ABI1: variants seen among roughly 807,000 people sequenced by gnomAD.
ABI1 encodes the protein abl interactor 1.
Under a neutral mutation model 54.6 loss-of-function variants are expected in ABI1, and 14 were observed. The observed-to-expected ratio is 0.26, with a 90% confidence interval of 0.17 to 0.40. The LOEUF (loss-of-function observed/expected upper bound fraction) is 0.40. Among genes scored for constraint, ABI1 ranks in the 10% least tolerant of loss-of-function variants. The pLI is 1.00. For synonymous variants in ABI1, 194 were observed against 209.3 expected, an observed-to-expected ratio of 0.93 and a Z score of 0.63; for missense variants, 443 against 598.3, an observed-to-expected ratio of 0.74 and a Z score of 2.71.
intron 2 of ABI1, among the ~76,000 whole-genome samples, chr10:26,801,199 G>A (rs568396124): frequency 4.6e-5 from 7 of 152,304 alleles, no homozygotes; most frequent in East Asian, 1.9e-4. Context: ...GTAATCACCC[G>A]ACTTTGATGA....
intron 1 of ABI1, among the ~76,000 whole-genome samples, chr10:26,859,971 G>C (rs937427603): frequency 6.6e-6 from 1 of 151,748 alleles, no homozygotes; most frequent in African/African-American, 2.4e-5. Flanking sequence ...ATGGTGGGGC[G>C]GAAGTGAAAA....
intron 2 of ABI1, among the ~76,000 whole-genome samples, chr10:26,807,324 A>T (rs2046939606): frequency 6.6e-6 from 1 of 151,956 alleles, no homozygotes; most frequent in Non-Finnish European, 1.5e-5. Context: ...AAATACGAAA[A>T]ATTAGCCAGG....
intron 2 of ABI1, among the ~76,000 whole-genome samples, chr10:26,806,148 T>C (rs147202131): frequency 2.0e-5 from 3 of 152,336 alleles, no homozygotes; most frequent in East Asian, 3.9e-4. Flanking sequence ...AACCAGCTCA[T>C]TCAATCTTCA....
At chr10:26,853,234 C>A (rs866300798) in intron 1 of ABI1, among the ~76,000 whole-genome samples, 511 of 85,406 alleles carry the variant, frequency 6.0e-3, no homozygotes, top group South Asian at 8.0e-3. Context: ...GACTCCATCT[C>A]AAAAAAAAAA....
At chr10:26,765,359 G>C in intron 6 of ABI1, 41 bp from the exon 7 acceptor site, 1 of 1,429,634 alleles carries the variant, frequency 7.0e-7, no homozygotes, top group Non-Finnish European at 9.5e-7. Flanking sequence ...CAATTCTAGA[G>C]ACATATTTAA....
chr10:26,856,433 C>CAAAAAAAAAAA (rs58195958), intron 1 of ABI1, among the ~76,000 whole-genome samples: 1 of 57,772 alleles, frequency 1.7e-5, no homozygotes, highest in Non-Finnish European at 3.4e-5. Flanking sequence ...ATCTGTTACT[C>CAAAAAAAAAAA]AAAAAAAAAA....
chr10:26,813,662 A>T (rs192048869), intron 2 of ABI1, among the ~76,000 whole-genome samples: 20 of 152,328 alleles, frequency 1.3e-4, no homozygotes, highest in South Asian at 2.1e-4. Flanking sequence ...TTCAACCCAA[A>T]CAACAAATCA....
chr10:26,850,657 C>CAAAAAA (rs560840432), intron 1 of ABI1, among the ~76,000 whole-genome samples: 7 of 101,500 alleles, frequency 6.9e-5, no homozygotes, highest in East Asian at 2.4e-4. Context: ...GACTCCGTCT[C>CAAAAAA]AAAAAAAAAA....
At chr10:26,788,096 G>A (rs932001693) in intron 2 of ABI1, among the ~76,000 whole-genome samples, 5 of 152,196 alleles carry the variant, frequency 3.3e-5, no homozygotes, top group African/African-American at 4.8e-5. Flanking sequence ...TCACGGGGTC[G>A]GTTTCCCTCA....
intron 2 of ABI1, among the ~76,000 whole-genome samples, chr10:26,780,760 T>G (rs1842004654): frequency 6.6e-6 from 1 of 152,108 alleles, no homozygotes; most frequent in Non-Finnish European, 1.5e-5. Context: ...GACTCAACAT[T>G]TTATGGCTCT....
chr10:26,784,458 T>C (rs1248893129), intron 2 of ABI1, among the ~76,000 whole-genome samples: 1 of 151,280 alleles, frequency 6.6e-6, no homozygotes, highest in Non-Finnish European at 1.5e-5. Context: ...CTTGGAACCC[T>C]AAGGCTTACC....
chr10:26,860,025 G>T lies in ABI1; in HGVS notation c.117+722C>A, dbSNP rs945411160. On this transcript the variant is annotated intron_variant, in intron 1 of 10. Coordinates refer to ENST00000376140, the MANE Select transcript of ABI1 (RefSeq NM_001012750.3). This position sits in a 1 kb window ranked among gnomAD's most constrained non-coding sequence, Gnocchi z 4.1. The stretch of plus-strand genomic sequence containing the variant: ...AATAAAAAAAACCCGACTTGAAAAT[G>T]GACAAGCAGACAGATTTACAAACCT... Among the ~76,000 whole-genome samples, 37 of 152,182 alleles carry T rather than the reference G, an allele frequency of 2.4e-4. No individual in the cohort carries two copies. The highest frequency in any genetic ancestry group is 3.4e-3 in the Middle Eastern group (1 of 294).
In ABI1 at chr10:26,818,158, C is replaced by CAAA. The variant is rs397696005; in HGVS notation, c.285+4977_285+4979dup. On this transcript the variant is annotated intron_variant, in intron 2 of 10. Coordinates refer to ENST00000376140, the MANE Select transcript of ABI1 (RefSeq NM_001012750.3). The stretch of plus-strand genomic sequence containing the variant: ...TGGGAGACAGAGCAAGACTCCATCT[C>CAAA]AAAAAAAAAAAAAAAAAAAAAAAAA... 2.6e-4 allele frequency among the ~76,000 whole-genome samples: 12 copies of CAAA among 45,444 alleles called. 1 individual carries two copies. Among genetic ancestry groups the CAAA allele is most frequent in the East Asian group, 1.1e-3 (2 of 1,822 alleles). The allele number at this position is 45,444 out of a possible 152,430, so 29.8% of individuals were successfully genotyped here.
intron 1 of ABI1, among the ~76,000 whole-genome samples, chr10:26,827,465 T>A (rs1323783684): frequency 2.0e-5 from 3 of 150,038 alleles, no homozygotes; most frequent in African/African-American, 7.4e-5. Context: ...TTGTGATCCA[T>A]CCACCTCCGC....
intron 2 of ABI1, among the ~76,000 whole-genome samples, chr10:26,800,004 TAAAAAAAA>T (rs56949695): frequency 8.0e-6 from 1 of 124,716 alleles, no homozygotes; most frequent in Non-Finnish European, 1.8e-5. Context: ...CACAAAAACG[TAAAAAAAA>T]AAAAAAAAAA....
rs962369446 is a variant in ABI1 at position 26,768,741 on chromosome 10, A to G, written c.719+111T>C. 4 of 773,778 alleles carry G rather than the reference A, an allele frequency of 5.2e-6. No individual in the cohort carries two copies. The African/African-American group carries it at 7.2e-5, about 14-fold the overall frequency. The allele number at this position is 773,778 out of a possible 1,614,324, so 47.9% of individuals were successfully genotyped here. On this transcript the variant is annotated intron_variant, in intron 6 of 10. Transcript: ENST00000376140. Reference sequence around the variant, plus strand: ...ATTATTCCCCCAACTTTTACATTTTATATTAGCATTAGAGTGGCACCTCAC... The same window carrying G: ...ATTATTCCCCCAACTTTTACATTTTGTATTAGCATTAGAGTGGCACCTCAC...
At chr10:26,759,259 G>A (rs1256507071) in intron 7 of ABI1, 21 bp from the exon 8 acceptor site, 1 of 1,609,544 alleles carries the variant, frequency 6.2e-7, no homozygotes, top group Non-Finnish European at 8.5e-7. Flanking sequence ...TTAGTCAAAG[G>A]CAACCAACAA....
rs143322305 is a variant in ABI1, at chr10:26,755,738, G to A, written c.1001C>T (p.Ser334Phe). 1,605 of 1,609,634 alleles carry A rather than the reference G, an allele frequency of 1.0e-3. No homozygotes were observed. The highest frequency in any genetic ancestry group is 1.1e-3 in the Non-Finnish European group (1,306 of 1,176,412). The change falls in exon 9 of 11, where the codon TCT becomes TTT. Residue 334 changes from serine (S) to phenylalanine (F), a missense_variant. Physicochemically the swap from Ser to Phe is radical, Grantham distance 155. Transcript: ENST00000376140. ...GGPLYSQNSI[S>F]IAPPPPPMPQ... ...CATAGGGGGAGGGGGTGGAGCAATA[G>A]AAACTGGTAGCAACAACACAGTATG...
In ABI1 at chr10:26,777,023, G is replaced by A; in HGVS notation, c.462+42C>T. ...ATATTTCCTATCCAAAATATTTACT[G>A]GATATGCAAATTAGCTTGTTAATGT... On this transcript the variant is annotated intron_variant, in intron 3 of 10. Transcript: ENST00000376140. The A allele has an allele frequency of 3.4e-6, 5 of 1,464,108 alleles. No individual in the cohort carries two copies. In the African/African-American group the frequency reaches 5.7e-5, roughly 17 times the overall value. 90.7% of individuals were successfully genotyped at this position (1,464,108 alleles called of 1,614,324 possible). A position where few individuals can be genotyped will look rare whatever the true frequency, so the allele number is the denominator to read the frequency against.
Sources: allele counts gnomAD v4.1 joint callset (sites outside exome capture counted in the v4.1 genomes callset), GRCh38; gene constraint gnomAD v4.1.1; non-coding constraint Gnocchi (gnomAD v3.1); transcripts MANE v1.5; gene names NCBI Gene and HGNC (gene_info 2026-07-23, HGNC 2026-07-21).